Variants in C13orf42 observed in about 807,000 individuals in gnomAD.
C13orf42 encodes chromosome 13 open reading frame 42, also known as uncharacterized protein C13orf42.
chr13:51,141,018 A>T (rs933421403), intron 1 of C13orf42, among the ~76,000 whole-genome samples: 9 of 148,784 alleles, frequency 6.0e-5, no homozygotes, highest in East Asian at 1.9e-4. Flanking sequence ...TAATAAGATT[A>T]AAAAAAATTT....
intron 1 of C13orf42, chr13:51,162,097 G>A (rs760619327): frequency 3.6e-5 from 12 of 331,842 alleles, no homozygotes; most frequent in South Asian, 9.4e-5. Flanking sequence ...TTGGAAGTTC[G>A]TGTGCATAAG....
chr13:51,140,210 G>C (rs1016481745), intron 1 of C13orf42, among the ~76,000 whole-genome samples: 2 of 152,168 alleles, frequency 1.3e-5, no homozygotes, highest in Non-Finnish European at 2.9e-5. Context: ...CTCCCTCCCT[G>C]CTTCCAGTCT....
intron 1 of C13orf42, among the ~76,000 whole-genome samples, chr13:51,103,851 A>G (rs879869585): frequency 1.3e-5 from 2 of 152,190 alleles, no homozygotes; most frequent in Non-Finnish European, 1.5e-5. Context: ...AGAGACAGAA[A>G]GTAGAACAGA....
chr13:51,103,101 C>A (rs1023458160), intron 1 of C13orf42, among the ~76,000 whole-genome samples: 1 of 152,166 alleles, frequency 6.6e-6, no homozygotes, highest in African/African-American at 2.4e-5. Context: ...CAATGTGAAC[C>A]ATCTGGACTG....
At chr13:51,085,635 A>G (rs1953114757) in intron 2 of C13orf42, 76 bp from the exon 3 acceptor site, 1 of 397,828 alleles carries the variant, frequency 2.5e-6, no homozygotes, top group Non-Finnish European at 4.4e-6. Flanking sequence ...GAGAGGGCGG[A>G]TTGGACTGAA....
chr13:51,119,981 T>A (rs1053308573), intron 1 of C13orf42, among the ~76,000 whole-genome samples: 25 of 150,294 alleles, frequency 1.7e-4, no homozygotes, highest in Non-Finnish European at 2.8e-4. Context: ...TTTTTCCTTT[T>A]AAAAAAAAAA....
chr13:51,102,387 A>G (rs1566126075), intron 1 of C13orf42, among the ~76,000 whole-genome samples: 4 of 152,206 alleles, frequency 2.6e-5, no homozygotes, highest in Admixed American at 6.5e-5. Context: ...GAGGAGAAAG[A>G]GCCTCTACAG....
chr13:51,146,038 A>G (rs1953732376), intron 1 of C13orf42, among the ~76,000 whole-genome samples: 1 of 152,144 alleles, frequency 6.6e-6, no homozygotes, highest in African/African-American at 2.4e-5. Flanking sequence ...TAAGTTCTAG[A>G]GCAATGCTGT....
intron 1 of C13orf42, among the ~76,000 whole-genome samples, chr13:51,099,977 T>C (rs1440411920): frequency 6.6e-6 from 1 of 152,202 alleles, no homozygotes; most frequent in Non-Finnish European, 1.5e-5. Context: ...ACTTAAAGCA[T>C]AGTGTAAAAT....
intron 1 of C13orf42, among the ~76,000 whole-genome samples, chr13:51,124,950 A>T (rs879246080): frequency 1.3e-5 from 2 of 151,602 alleles, no homozygotes; most frequent in South Asian, 4.2e-4. Context: ...GGTTAAATGA[A>T]TTTTTTTTTC....
At chr13:51,085,054 G>A (rs1244171289) in intron 3 of C13orf42, among the ~76,000 whole-genome samples, 2 of 151,978 alleles carry the variant, frequency 1.3e-5, no homozygotes, top group Admixed American at 6.6e-5. Context: ...ACAGTGCATG[G>A]GCTAAGTGGG....
chr13:51,102,962 G>A (rs1953309052), intron 1 of C13orf42, among the ~76,000 whole-genome samples: 2 of 152,128 alleles, frequency 1.3e-5, no homozygotes, highest in Non-Finnish European at 2.9e-5. Flanking sequence ...ATGACAGCAT[G>A]GGGTAAACCG....
intron 2 of C13orf42, 77 bp from the exon 3 acceptor site, chr13:51,085,636 T>C (rs1466144145): frequency 7.5e-6 from 3 of 397,794 alleles, no homozygotes; most frequent in East Asian, 3.6e-5. Context: ...AGAGGGCGGA[T>C]TGGACTGAAC....
At position 51,098,458 on chromosome 13, in the gene C13orf42, G is replaced by A. The variant is rs563580510; in HGVS notation, c.415-10383C>T. Among the ~76,000 whole-genome samples, 18 of 152,032 alleles carry A rather than the reference G, an allele frequency of 1.2e-4. No homozygotes were observed. The South Asian group carries it at 2.1e-3, about 18-fold the overall frequency. On this transcript the variant is annotated intron_variant, in intron 1 of 3. Coordinates refer to ENST00000563710, the MANE Select transcript of C13orf42 (RefSeq NM_001351589.3). ...CTCTCTGAAGCTTTCACCAATTGCCGCAGACAGACCCAGGCACATCTTTTC... is the reference window on the plus strand; with the variant it reads ...CTCTCTGAAGCTTTCACCAATTGCCACAGACAGACCCAGGCACATCTTTTC...
intron 1 of C13orf42, chr13:51,162,340 C>A: frequency 5.6e-6 from 1 of 177,306 alleles, no homozygotes; most frequent in East Asian, 1.4e-4. Context: ...CAAACCCCAC[C>A]CTGCGGAACA....
chr13:51,168,087 AAGG>A (rs1012829497), intron 1 of C13orf42, among the ~76,000 whole-genome samples: 21 of 152,336 alleles, frequency 1.4e-4, no homozygotes, highest in African/African-American at 4.8e-4. Context: ...ATTTTCTAGA[AAGG>A]AGAAGAAAAA....
At chr13:51,120,956 G>C (rs1020305648) in intron 1 of C13orf42, among the ~76,000 whole-genome samples, 1 of 152,224 alleles carries the variant, frequency 6.6e-6, no homozygotes, top group African/African-American at 2.4e-5. Flanking sequence ...AGAGGTTGCA[G>C]TGAGCTGAGA....
intron 1 of C13orf42, among the ~76,000 whole-genome samples, chr13:51,157,590 C>T (rs1953834431): frequency 6.6e-6 from 1 of 152,170 alleles, no homozygotes. Flanking sequence ...TTTGTAGGCA[C>T]TTCTTGCCTT....
chr13:51,085,865 A>G (rs1953118978), intron 2 of C13orf42, among the ~76,000 whole-genome samples: 1 of 152,216 alleles, frequency 6.6e-6, no homozygotes, highest in African/African-American at 2.4e-5. Flanking sequence ...CCTGGCCAAC[A>G]TGGTGAAACC....
Sources: allele counts gnomAD v4.1 joint callset (sites outside exome capture counted in the v4.1 genomes callset), GRCh38; gene constraint gnomAD v4.1.1; transcripts MANE v1.5; gene names NCBI Gene and HGNC (gene_info 2026-07-23, HGNC 2026-07-21).